The following MCM7 variants were observed in gnomAD, a reference collection of about 807,000 sequenced individuals.
MCM7 encodes the protein minichromosome maintenance complex component 7.
In MCM7, 95 loss-of-function variants were observed where a neutral mutation model predicts 83.5. That is an observed-to-expected ratio of 1.14 (90% CI 0.96 to 1.35). MCM7 has a LOEUF of 1.35. Ranked by LOEUF, MCM7 falls within the 40% of genes most tolerant of loss-of-function variation. The pLI is 0.00. For missense variants in MCM7, 1,087 were observed against 957.4 expected, an observed-to-expected ratio of 1.14 and a Z score of -1.79; for synonymous variants, 461 against 352.7, an observed-to-expected ratio of 1.31 and a Z score of -3.44.
chr7:100,094,772 G>A (rs773766604), intron 12 of MCM7, among the ~76,000 whole-genome samples: 1 of 152,222 alleles, frequency 6.6e-6, no homozygotes, highest in Non-Finnish European at 1.5e-5. Flanking sequence ...CAGAATGCCT[G>A]GGAGCAGGTG....
At chr7:100,100,175 T>A (rs1168726207) in intron 1 of MCM7, 82 bp from the exon 2 acceptor site, 1 of 1,546,186 alleles carries the variant, frequency 6.5e-7, no homozygotes. Context: ...ACACGACCTA[T>A]GAACTAATTA....
chr7:100,098,352 T>C lies in MCM7; in HGVS notation c.721-62A>G, dbSNP rs1584493542. On this transcript the variant is annotated intron_variant, in intron 6 of 14. Coordinates refer to ENST00000303887, the MANE Select transcript of MCM7 (RefSeq NM_005916.5). The stretch of plus-strand genomic sequence containing the variant: ...GGACAAGGACCCAACCTTCCCTCCC[T>C]AGGCATCCCACTCAAAGGCTCCCAG... 6.3e-6 allele frequency: 10 copies of C among 1,582,482 alleles called. No homozygotes were observed. In the East Asian group the frequency reaches 2.2e-4, roughly 35 times the overall value.
chr7:100,093,512 C>A (rs767471812), intron 13 of MCM7, 111 bp from the exon 14 acceptor site: 2 of 968,384 alleles, frequency 2.1e-6, no homozygotes, highest in Non-Finnish European at 1.7e-6. Flanking sequence ...GTCGCCTACT[C>A]ACAAAACAGG....
intron 11 of MCM7, 111 bp downstream of exon 11, chr7:100,095,663 G>T: frequency 7.0e-7 from 1 of 1,425,634 alleles, no homozygotes; most frequent in Non-Finnish European, 9.4e-7. Flanking sequence ...TGCTGCAAAG[G>T]GGAGGCTCTG....
intron 1 of MCM7, 131 bp downstream of exon 1, chr7:100,101,133 C>G (rs1795998950): frequency 1.7e-6 from 2 of 1,166,040 alleles, no homozygotes; most frequent in African/African-American, 1.5e-5. Context: ...GGCCGCAGCT[C>G]GACCCTGCCT....
In MCM7 at chr7:100,100,050, TTCA is replaced by T; in HGVS notation, c.72_74del (p.Asp24del). 2 of 1,614,144 alleles carry T rather than the reference TTCA, an allele frequency of 1.2e-6. No homozygotes were observed. Among genetic ancestry groups the T allele is most frequent in the Non-Finnish European group, 1.7e-6 (2 of 1,180,000 alleles). Reference sequence around the variant, plus strand: ...CATACTTGAACTGCTTCTTCCCGAGTTCATCATCCTGGTAGAACTCTTGTAAGA... The same window carrying T: ...CATACTTGAACTGCTTCTTCCCGAGTTCATCCTGGTAGAACTCTTGTAAGA... On this transcript the variant is annotated inframe_deletion, in exon 2 of 15. Transcript: ENST00000303887.
Position 100,097,303 on chromosome 7 carries a change from C to G in MCM7, c.1199G>C (p.Arg400Pro). 1 of 1,613,932 alleles carries G rather than the reference C, an allele frequency of 6.2e-7. No individual in the cohort carries two copies. Among genetic ancestry groups the G allele is most frequent in the Non-Finnish European group, 8.5e-7 (1 of 1,179,844 alleles). Reference protein sequence around the residue: ...LLSYIDRLAPRSQYTTGRGSS... With the variant: ...LLSYIDRLAPPSQYTTGRGSS... ...TCCCGCAAAGCCCAACTACTTACTG[C>G]GAGGCGCCAGTCGATCAATGTATGA... The change falls in exon 10 of 15, where the codon CGC becomes CCC. Residue 400 changes from arginine (R) to proline (P), a missense_variant and splice_region_variant. Coordinates refer to ENST00000303887, the MANE Select transcript of MCM7 (RefSeq NM_005916.5).
In MCM7 at chr7:100,100,120, G is replaced by A. The variant is rs777633172; in HGVS notation, c.32-27C>T. Reference sequence around the variant, plus strand: ...TGTAACATGAAATGTAAAACCGTAAGACACAAACTTTAAGACAAATCTTAG... The same window carrying A: ...TGTAACATGAAATGTAAAACCGTAAAACACAAACTTTAAGACAAATCTTAG... On this transcript the variant is annotated intron_variant, in intron 1 of 14. Coordinates refer to ENST00000303887, the MANE Select transcript of MCM7 (RefSeq NM_005916.5). 9.9e-6 allele frequency: 16 copies of A among 1,611,834 alleles called. No homozygotes were observed. The Admixed American group carries it at 1.3e-4, about 13-fold the overall frequency.
chr7:100,093,240 A>G (rs1191272381), intron 14 of MCM7, 52 bp downstream of exon 14: 6 of 1,591,336 alleles, frequency 3.8e-6, no homozygotes, highest in Non-Finnish European at 4.3e-6. Context: ...CCTCAGACAC[A>G]TGGCCACAGA....
At chr7:100,100,758 C>A in intron 1 of MCM7, 2 of 992,428 alleles carry the variant, frequency 2.0e-6, no homozygotes, top group Non-Finnish European at 2.4e-6. Flanking sequence ...ACACGACACT[C>A]CCTCCAGCCT....
chr7:100,093,895 G>T (rs1218658109), intron 13 of MCM7: 2 of 677,420 alleles, frequency 3.0e-6, no homozygotes, highest in Non-Finnish European at 5.6e-6. Flanking sequence ...TGTAGCACAG[G>T]ATCTAGGACA....
rs140737993 is a variant in MCM7, at chr7:100,099,324, A to T, written c.356T>A (p.Val119Asp). ...AGGGTACTGGTTCTGGGGGCTTCGGACCATCCCAGGGTCCCGACTCCGCTG... is the reference window on the plus strand; with the variant it reads ...AGGGTACTGGTTCTGGGGGCTTCGGTCCATCCCAGGGTCCCGACTCCGCTG... ...MEQRSRDPGMVRSPQNQYPAE... is the reference protein window; with the variant it reads ...MEQRSRDPGMDRSPQNQYPAE... The change falls in exon 4 of 15, where the codon GTC (valine) becomes GAC (aspartate). Residue 119 changes from valine (V) to aspartate (D), a missense_variant. Physicochemically the swap from Val to Asp is radical, Grantham distance 152. Transcript: ENST00000303887. The T allele has an allele frequency of 1.0e-4, 165 of 1,613,226 alleles. No homozygotes were observed. The highest frequency in any genetic ancestry group is 6.6e-4 in the Middle Eastern group (4 of 6,058).
chr7:100,101,275 G>A lies in MCM7; in HGVS notation c.20C>T (p.Ala7Val). Residue 7 changes from alanine (A) to valine (V), a missense_variant, in exon 1 of 15, where the codon GCG (alanine) becomes GTG (valine). Ala to Val is a moderately conservative substitution (Grantham distance 64, BLOSUM62 0). Coordinates refer to ENST00000303887, the MANE Select transcript of MCM7 (RefSeq NM_005916.5). ...TCGTAGACCCGTACCCTTCTCTAGC[G>A]CGTAGTCCTTCAGTGCCATCGCTGC... The part of the protein sequence containing the change: MALKDY[A>V]LEKEKVKKFL... 2 of 1,613,248 alleles carry A rather than the reference G, an allele frequency of 1.2e-6. No individual in the cohort carries two copies. The highest frequency in any genetic ancestry group is 1.7e-6 in the Non-Finnish European group (2 of 1,179,892).
chr7:100,096,895 T>G (rs369718427), intron 10 of MCM7, among the ~76,000 whole-genome samples: 4 of 151,808 alleles, frequency 2.6e-5, no homozygotes, highest in South Asian at 2.1e-4. Flanking sequence ...GAGGTCAGGA[T>G]ATCGAGACCA....
rs779791120 is a variant in MCM7, at chr7:100,101,265, C to T, written c.30G>A (p.Lys10=). The T allele has an allele frequency of 1.9e-6, 3 of 1,613,264 alleles. No homozygotes were observed. Among genetic ancestry groups the T allele is most frequent in the Non-Finnish European group, 1.7e-6 (2 of 1,179,892 alleles). ...CCTCCCGGGCTCGTAGACCCGTACC[C>T]TTCTCTAGCGCGTAGTCCTTCAGTG... is the stretch of plus-strand genomic sequence containing the variant. MALKDYALE[K]EKVKKFLQEF... is the part of the protein sequence containing the mutation. The change falls in exon 1 of 15, where the codon AAG becomes AAA. Residue 10 remains lysine, a splice_region_variant and synonymous_variant. Coordinates refer to ENST00000303887, the MANE Select transcript of MCM7 (RefSeq NM_005916.5).
chr7:100,097,688 T>A lies in MCM7; in HGVS notation c.1043A>T (p.Glu348Val). Residue 348 changes from glutamate to valine, a missense_variant, in exon 9 of 15, where the codon GAA (glutamate) becomes GTA (valine). Glu to Val is a moderately radical substitution (Grantham distance 121, BLOSUM62 -2). Coordinates refer to ENST00000303887, the MANE Select transcript of MCM7 (RefSeq NM_005916.5). ...GAGCAGCAGTGCCTTCTTCACATCT[T>A]CATGCCCGTATATTTCTGGGGCGAT... ...ASIAPEIYGH[E>V]DVKKALLLLL... The A allele has an allele frequency of 6.2e-7, 1 of 1,614,206 alleles. No individual in the cohort carries two copies. Among genetic ancestry groups the A allele is most frequent in the Non-Finnish European group, 8.5e-7 (1 of 1,180,044 alleles).
intron 2 of MCM7, 72 bp from the exon 3 acceptor site, chr7:100,099,825 T>C (rs1350995375): frequency 1.5e-5 from 24 of 1,582,040 alleles, no homozygotes; most frequent in East Asian, 2.2e-5. Context: ...TATGTGAAAA[T>C]GCATCACTGA....
At chr7:100,099,881 C>A in intron 2 of MCM7, 128 bp from the exon 3 acceptor site, 1 of 1,433,712 alleles carries the variant, frequency 7.0e-7, no homozygotes, top group South Asian at 1.2e-5. Flanking sequence ...AACGCAGCGC[C>A]ACACAGAGCG....
chr7:100,093,924 C>T (rs1433343949), intron 13 of MCM7: 10 of 700,320 alleles, frequency 1.4e-5, no homozygotes, highest in Non-Finnish European at 2.4e-5. Flanking sequence ...GAAACAGACC[C>T]CAACCACCCT....
Sources: gnomAD v4.1 joint callset for allele counts (sites outside exome capture counted in the v4.1 genomes callset) on GRCh38, gnomAD v4.1.1 for gene constraint, MANE v1.5 for transcripts, NCBI Gene and HGNC (gene_info 2026-07-23, HGNC 2026-07-21) for gene names.